RAB30: variants seen among roughly 807,000 people sequenced by gnomAD.
The protein encoded by RAB30 is ras-related protein Rab-30.
RAB30 carries 9 observed loss-of-function variants against 25.1 expected under a neutral mutation model. The ratio of observed to expected loss-of-function variants is 0.36; its 90% confidence interval spans 0.22 to 0.63. The LOEUF is 0.63. Among genes scored for constraint, RAB30 ranks in the 20% least tolerant of loss-of-function variants. The pLI is 0.69. For missense variants in RAB30, 140 were observed against 243.5 expected, an observed-to-expected ratio of 0.58 and a Z score of 2.83; for synonymous variants, 77 against 86.4, an observed-to-expected ratio of 0.89 and a Z score of 0.60.
chr11:83,022,499 T>C (rs1054306529), intron 1 of RAB30, among the ~76,000 whole-genome samples: 1 of 152,220 alleles, frequency 6.6e-6, no homozygotes, highest in Non-Finnish European at 1.5e-5. Context: ...ATCCCTTCCC[T>C]AGATATTCTG....
intron 1 of RAB30, among the ~76,000 whole-genome samples, chr11:83,046,152 T>C (rs897176524): frequency 6.6e-5 from 10 of 152,240 alleles, no homozygotes; most frequent in Non-Finnish European, 5.9e-5. Flanking sequence ...CTAAGCTGAC[T>C]GAGAGCTAAG....
rs35726383 is a variant in RAB30 at position 82,987,905 on chromosome 11, TAAAAAAAAAAAAA to T, written c.178-148_178-136del. The T allele has an allele frequency of 1.6e-3, 55 of 35,436 alleles. 5 individuals are homozygous for T. The East Asian group carries it at 0.029, about 19-fold the overall frequency. The allele number at this position is 35,436 out of a possible 1,614,324, so 2.2% of individuals were successfully genotyped here. On this transcript the variant is annotated intron_variant, in intron 3 of 4. Transcript: ENST00000527633. ...ACAATTTCATGGTTATTTTCTGCCC[TAAAAAAAAAAAAA>T]AAAAAAAAAAAAAAAGCACTGAAAA...
chr11:82,988,271 T>C (rs567013394), intron 3 of RAB30, among the ~76,000 whole-genome samples: 31 of 152,172 alleles, frequency 2.0e-4, no homozygotes, highest in Non-Finnish European at 3.8e-4. Flanking sequence ...GGCATTGTGG[T>C]CCCAGAGTCC....
intron 1 of RAB30, among the ~76,000 whole-genome samples, chr11:82,999,978 G>A (rs78559704): frequency 0.016 from 2,492 of 152,274 alleles, 85 homozygotes; most frequent in African/African-American, 0.058. Context: ...CATGAGAGCA[G>A]TGACGTGTCA....
intron 1 of RAB30, among the ~76,000 whole-genome samples, chr11:83,021,882 T>G (rs1407607004): frequency 2.0e-5 from 3 of 152,226 alleles, no homozygotes; most frequent in Admixed American, 6.5e-5. Flanking sequence ...ATTAATTCCC[T>G]TCCTCCTAAT....
At chr11:83,045,273 C>G (rs1284097813) in intron 1 of RAB30, among the ~76,000 whole-genome samples, 1 of 152,100 alleles carries the variant, frequency 6.6e-6, no homozygotes, top group Admixed American at 6.5e-5. Context: ...ACTGAAACTA[C>G]AGGCATCCAC....
intron 1 of RAB30, among the ~76,000 whole-genome samples, chr11:83,020,567 G>C (rs934334883): frequency 6.6e-6 from 1 of 152,230 alleles, no homozygotes; most frequent in African/African-American, 2.4e-5. Flanking sequence ...GCGAGTCCCT[G>C]TTGAGACCCC....
intron 1 of RAB30, among the ~76,000 whole-genome samples, chr11:83,029,075 A>G (rs115052088): frequency 0.019 from 2,919 of 152,246 alleles, 90 homozygotes; most frequent in African/African-American, 0.066. Context: ...AGTGGTATAA[A>G]AGAAACATCA....
intron 1 of RAB30, chr11:83,038,772 G>T (rs1858041737): frequency 6.6e-6 from 1 of 151,296 alleles, no homozygotes; most frequent in Non-Finnish European, 1.5e-5. Context: ...AGTGAGCCAA[G>T]ATCGCACCAC....
intron 1 of RAB30, among the ~76,000 whole-genome samples, chr11:83,062,157 T>C (rs1175748882): frequency 6.6e-6 from 1 of 152,262 alleles, no homozygotes; most frequent in Admixed American, 6.5e-5. Context: ...ACCTAGGGTC[T>C]ATATCTGCAT....
intron 3 of RAB30, among the ~76,000 whole-genome samples, chr11:82,993,361 C>T (rs574095292): frequency 2.1e-4 from 32 of 152,298 alleles, no homozygotes; most frequent in Admixed American, 6.5e-4. Flanking sequence ...GCCAGTAAAA[C>T]GAGGATAATA....
rs370935647 is a variant in RAB30 at position 83,050,436 on chromosome 11, AG to A, written c.-9+21254del. 1.5e-3 allele frequency among the ~76,000 whole-genome samples: 229 copies of A among 152,292 alleles called. 1 individual carries two copies. The highest frequency in any genetic ancestry group is 4.7e-3 in the African/African-American group (195 of 41,558). On this transcript the variant is annotated intron_variant, in intron 1 of 4. Coordinates refer to ENST00000527633, the MANE Select transcript of RAB30 (RefSeq NM_001286060.2). ...TTCAACAGACTGTCTGGCACACAAC[AG>A]GTACTTCATAACAACAGGATGATGG...
intron 1 of RAB30, among the ~76,000 whole-genome samples, chr11:83,007,180 G>A (rs931010947): frequency 3.3e-5 from 5 of 152,182 alleles, no homozygotes; most frequent in African/African-American, 9.7e-5. Context: ...CTCCAAATCA[G>A]AGCTGCTGCC....
rs571008532 is a variant in RAB30, at chr11:83,032,162, C to T, written c.-8-34838G>A. Among the ~76,000 whole-genome samples the T allele has an allele frequency of 5.9e-5, 9 of 152,334 alleles. No individual in the cohort carries two copies. In the South Asian group the frequency reaches 1.9e-3, roughly 32 times the overall value. ...ATCCTTATTTCCTAGGACTCACTCACATCCTTGCCCACTGACTTCCCCATT... is the reference window on the plus strand; with the variant it reads ...ATCCTTATTTCCTAGGACTCACTCATATCCTTGCCCACTGACTTCCCCATT... On this transcript the variant is annotated intron_variant, in intron 1 of 4. Coordinates refer to ENST00000527633, the MANE Select transcript of RAB30 (RefSeq NM_001286060.2).
intron 1 of RAB30, among the ~76,000 whole-genome samples, chr11:83,067,717 C>A (rs778622521): frequency 5.9e-5 from 9 of 152,184 alleles, no homozygotes; most frequent in Non-Finnish European, 1.2e-4. Context: ...GTCGGCCGGG[C>A]ATGGTGGCTC....
chr11:83,060,095 C>T (rs985570419), intron 1 of RAB30: 1 of 152,092 alleles, frequency 6.6e-6, no homozygotes, highest in African/African-American at 2.4e-5. Flanking sequence ...CCAGCTACTC[C>T]GGAGGCTGAG....
intron 1 of RAB30, among the ~76,000 whole-genome samples, chr11:83,027,211 A>AATG (rs1348641336): frequency 6.6e-6 from 1 of 152,206 alleles, no homozygotes; most frequent in Non-Finnish European, 1.5e-5. Context: ...AGTGAACCTG[A>AATG]ATGATGGGTA....
intron 1 of RAB30, chr11:83,034,842 C>T (rs1404237369): frequency 6.6e-6 from 1 of 151,730 alleles, no homozygotes; most frequent in Non-Finnish European, 1.5e-5. Flanking sequence ...CCAAGGAACA[C>T]AGTTAGCAAG....
At chr11:83,017,984 C>T (rs758456226) in intron 1 of RAB30, among the ~76,000 whole-genome samples, 1 of 152,184 alleles carries the variant, frequency 6.6e-6, no homozygotes, top group Non-Finnish European at 1.5e-5. Flanking sequence ...TACTAGTTTA[C>T]ATTCTTACCA....
Sources: allele counts gnomAD v4.1 joint callset (sites outside exome capture counted in the v4.1 genomes callset), GRCh38; gene constraint gnomAD v4.1.1; transcripts MANE v1.5; gene names NCBI Gene and HGNC (gene_info 2026-07-23, HGNC 2026-07-21).